Variants in ZBBX observed in about 807,000 individuals in gnomAD.
ZBBX encodes the protein zinc finger B-box domain containing, also known as zinc finger B-box domain-containing protein 1.
In ZBBX, 101 loss-of-function variants were observed where a neutral mutation model predicts 108.5. The observed-to-expected ratio is 0.93, with a 90% confidence interval of 0.79 to 1.10. The LOEUF is 1.10. Ranked by LOEUF, ZBBX falls within the 50% of genes least tolerant of loss-of-function variation. ZBBX has a pLI of 0.00. For missense variants in ZBBX, 1,009 were observed against 941.4 expected (o/e 1.07, Z -0.94); for synonymous variants, 356 against 323.4 (o/e 1.10, Z -1.08).
intron 11 of ZBBX, among the ~76,000 whole-genome samples, chr3:167,325,095 T>C (rs963973843): frequency 2.6e-5 from 4 of 152,178 alleles, no homozygotes; most frequent in Non-Finnish European, 4.4e-5. Flanking sequence ...CTGATTTGTT[T>C]TTTATTTCTT....
rs112393475 is a variant in ZBBX at position 167,378,747 on chromosome 3, C to CT, written c.-132+890dup. Among the ~76,000 whole-genome samples the CT allele has an allele frequency of 7.4e-3, 1,124 of 152,210 alleles. 13 individuals are homozygous for CT. The highest frequency in any genetic ancestry group is 0.026 in the African/African-American group (1,070 of 41,540). ...TTACCCTTAGCATCTCTGCTTTCAT[C>CT]TTTTTTACATAATGAGCTTTAGTGT... On this transcript the variant is annotated intron_variant, in intron 2 of 21. Coordinates refer to ENST00000675490, the MANE Select transcript of ZBBX (RefSeq NM_001199201.2).
chr3:167,273,894 C>A (rs1273944860), intron 20 of ZBBX, among the ~76,000 whole-genome samples: 1 of 152,130 alleles, frequency 6.6e-6, no homozygotes, highest in South Asian at 2.1e-4. Flanking sequence ...GGATTTGAAT[C>A]ATTATTTCCA....
At position 167,348,364 on chromosome 3, in the gene ZBBX, G is replaced by GAA. The variant is rs1560163648; in HGVS notation, c.528+2054_528+2055dup. On this transcript the variant is annotated intron_variant, in intron 9 of 21. Coordinates refer to ENST00000675490, the MANE Select transcript of ZBBX (RefSeq NM_001199201.2). ...AGAAAGAAAGAAAGAAAGAAAGAAAGAAAGAAAAAAAAGAAAAGAAAAGAA... is the reference window on the plus strand; with the variant it reads ...AGAAAGAAAGAAAGAAAGAAAGAAAGAAAAAGAAAAAAAAGAAAAGAAAAGAA... 8.6e-4 allele frequency among the ~76,000 whole-genome samples: 111 copies of GAA among 129,674 alleles called. 1 individual carries two copies. Among genetic ancestry groups the GAA allele is most frequent in the African/African-American group, 2.9e-3 (98 of 34,000 alleles). The allele number at this position is 129,674 out of a possible 152,430, so 85.1% of individuals were successfully genotyped here. A position where few individuals can be genotyped will look rare whatever the true frequency, so the allele number is the denominator to read the frequency against.
Position 167,240,934 on chromosome 3 carries a change from C to A in ZBBX, c.2394-15G>T, listed in dbSNP as rs1269341615. ...TTCCAGAACAGCTGAAAATACATAA[C>A]AAGATCAATACACAATATACAGAAC... On this transcript the variant is annotated splice_polypyrimidine_tract_variant and intron_variant, in intron 21 of 21. Transcript: ENST00000675490. 1.2e-6 allele frequency: 2 copies of A among 1,611,620 alleles called. No individual in the cohort carries two copies. The highest frequency in any genetic ancestry group is 1.7e-6 in the Non-Finnish European group (2 of 1,178,788).
At position 167,240,799 on chromosome 3, in the gene ZBBX, A is replaced by G. The variant is rs190036854; in HGVS notation, c.2514T>C (p.Ser838=). The change falls in exon 22 of 22, where the codon AGT becomes AGC. Residue 838 remains serine, a synonymous_variant. Coordinates refer to ENST00000675490, the MANE Select transcript of ZBBX (RefSeq NM_001199201.2). ...AGTAATGAACAAATAATCTTTAAGT[A>G]CTCTTTGACCACGGTAGTGTGATGA... ...QHVITLPWSK[S]T The G allele has an allele frequency of 7.4e-5, 119 of 1,612,726 alleles. No individual in the cohort carries two copies. In the East Asian group the frequency reaches 8.0e-4, roughly 11 times the overall value.
chr3:167,263,418 T>C (rs1027206369), intron 20 of ZBBX, among the ~76,000 whole-genome samples: 2 of 152,332 alleles, frequency 1.3e-5, no homozygotes, highest in Non-Finnish European at 2.9e-5. Flanking sequence ...TTTTGGTATA[T>C]GGTATTTACA....
Position 167,305,740 on chromosome 3 carries a change from T to C in ZBBX, c.1628A>G (p.Glu543Gly), listed in dbSNP as rs1733518802. The change falls in exon 17 of 22, where the codon GAG becomes GGG. Residue 543 changes from glutamate (E) to glycine (G), a missense_variant. Glu to Gly is a moderately conservative substitution (Grantham distance 98, BLOSUM62 -2). Coordinates refer to ENST00000675490, the MANE Select transcript of ZBBX (RefSeq NM_001199201.2). ...LGRDLEKAPI[E>G]EKLSQDIKES... ...TTTGATGTCTTGAGATAATTTCTCC[T>C]CAATGGGAGCTTTTTCTAAATCTCT... The C allele has an allele frequency of 6.2e-7, 1 of 1,612,554 alleles. No individual in the cohort carries two copies.
At chr3:167,219,919 A>T in the ZBBX span, among the ~76,000 whole-genome samples, 1 of 152,000 alleles carries the variant, frequency 6.6e-6, no homozygotes, top group Non-Finnish European at 1.5e-5. Context: ...AAGTAACATT[A>T]CAGCCGATAC....
chr3:167,399,921 A>G (rs1162878330), intron 1 of ZBBX, among the ~76,000 whole-genome samples: 2 of 151,906 alleles, frequency 1.3e-5, no homozygotes, highest in Non-Finnish European at 2.9e-5. Flanking sequence ...ATGTGTACTC[A>G]GTGTTGAGTT....
At chr3:167,268,824 G>A (rs564728415) in intron 20 of ZBBX, among the ~76,000 whole-genome samples, 11 of 152,264 alleles carry the variant, frequency 7.2e-5, no homozygotes, top group African/African-American at 2.6e-4. Context: ...GCAAAACTTG[G>A]TGGAACCAAA....
chr3:167,190,735 T>A, the ZBBX span, among the ~76,000 whole-genome samples: 1 of 152,206 alleles, frequency 6.6e-6, no homozygotes, highest in Non-Finnish European at 1.5e-5. Context: ...CTTGGTCAGC[T>A]GTTATCACTC....
At chr3:167,315,680 GAC>G (rs957142163) in intron 15 of ZBBX, 68 bp downstream of exon 15, 244 of 1,100,028 alleles carry the variant, frequency 2.2e-4, no homozygotes, top group Middle Eastern at 7.1e-4. Flanking sequence ...CATTTAAAAA[GAC>G]AGATGATTTT....
intron 20 of ZBBX, among the ~76,000 whole-genome samples, chr3:167,269,457 G>C (rs531591500): frequency 6.6e-6 from 1 of 152,216 alleles, no homozygotes; most frequent in African/African-American, 2.4e-5. Flanking sequence ...AGTCTAAAAG[G>C]ATTCCTTGCC....
the ZBBX span, among the ~76,000 whole-genome samples, chr3:167,211,333 A>T: frequency 6.6e-6 from 1 of 152,162 alleles, no homozygotes; most frequent in Non-Finnish European, 1.5e-5. Flanking sequence ...TTCGCAGAGC[A>T]GCCACTCAGG....
intron 11 of ZBBX, among the ~76,000 whole-genome samples, chr3:167,324,817 G>A (rs913372845): frequency 1.3e-5 from 2 of 152,066 alleles, no homozygotes; most frequent in Non-Finnish European, 2.9e-5. Flanking sequence ...TAAGTATTAC[G>A]GTGCTTAATG....
At chr3:167,217,372 A>G in the ZBBX span, among the ~76,000 whole-genome samples, 2 of 152,158 alleles carry the variant, frequency 1.3e-5, no homozygotes, top group African/African-American at 4.8e-5. Flanking sequence ...AAAAAGTTCA[A>G]TATCACTGAT....
At chr3:167,388,712 T>C (rs900360340) in intron 1 of ZBBX, among the ~76,000 whole-genome samples, 1 of 152,054 alleles carries the variant, frequency 6.6e-6, no homozygotes, top group African/African-American at 2.4e-5. Context: ...TCCATTGTGC[T>C]GTTCTGCCTT....
chr3:167,310,835 T>C (rs1734452259), intron 16 of ZBBX, among the ~76,000 whole-genome samples: 1 of 152,204 alleles, frequency 6.6e-6, no homozygotes, highest in African/African-American at 2.4e-5. Flanking sequence ...AAATTCTGAT[T>C]AAAGAAATCA....
the ZBBX span, among the ~76,000 whole-genome samples, chr3:167,183,000 C>T: frequency 3.3e-5 from 5 of 152,226 alleles, no homozygotes; most frequent in East Asian, 1.9e-4. Flanking sequence ...TCGCTCTAGG[C>T]GCTGCCCAAA....
Sources: gnomAD v4.1 joint callset for allele counts (sites outside exome capture counted in the v4.1 genomes callset) on GRCh38, gnomAD v4.1.1 for gene constraint, MANE v1.5 for transcripts, NCBI Gene and HGNC (gene_info 2026-07-23, HGNC 2026-07-21) for gene names.